The following GLRA3 variants were observed in gnomAD, a reference collection of about 807,000 sequenced individuals.
GLRA3 encodes glycine receptor alpha 3.
Under a neutral mutation model 60.4 loss-of-function variants are expected in GLRA3, and 44 were observed. That is an observed-to-expected ratio of 0.73 (90% CI 0.57 to 0.94). The LOEUF is 0.94. GLRA3 is among the 40% of genes least tolerant of loss of function. GLRA3 has a pLI of 0.00. For synonymous variants in GLRA3, 223 were observed against 192.9 expected, an observed-to-expected ratio of 1.16 and a Z score of -1.29; for missense variants, 508 against 564.6, an observed-to-expected ratio of 0.90 and a Z score of 1.02.
intron 5 of GLRA3, among the ~76,000 whole-genome samples, chr4:174,703,219 A>G (rs577258399): frequency 9.2e-5 from 14 of 152,306 alleles, no homozygotes; most frequent in Middle Eastern, 3.4e-3. Context: ...AGAGTGGAAC[A>G]TTTGTCATAC....
chr4:174,823,325 C>T (rs1253797240), intron 1 of GLRA3, among the ~76,000 whole-genome samples: 1 of 152,142 alleles, frequency 6.6e-6, no homozygotes, highest in Non-Finnish European at 1.5e-5. Flanking sequence ...GAGATAGAGA[C>T]CATCCTGGCT....
chr4:174,749,344 A>G (rs542317098), intron 3 of GLRA3, among the ~76,000 whole-genome samples: 2 of 152,232 alleles, frequency 1.3e-5, no homozygotes, highest in Non-Finnish European at 2.9e-5. Flanking sequence ...GGTTTCTGTT[A>G]CAACCACTGA....
At chr4:174,712,415 C>A (rs374271724) in intron 5 of GLRA3, 3 of 151,926 alleles carry the variant, frequency 2.0e-5, no homozygotes, top group East Asian at 1.9e-4. Flanking sequence ...TATTGTTATA[C>A]CACCCAACAT....
At chr4:174,822,314 A>T (rs1410224102) in intron 1 of GLRA3, among the ~76,000 whole-genome samples, 1 of 152,190 alleles carries the variant, frequency 6.6e-6, no homozygotes, top group Non-Finnish European at 1.5e-5. Flanking sequence ...CTCCATGGAC[A>T]TTATCATTTA....
intron 5 of GLRA3, among the ~76,000 whole-genome samples, chr4:174,714,066 C>T (rs188071822): frequency 1.0e-3 from 156 of 152,316 alleles, no homozygotes; most frequent in African/African-American, 3.5e-3. Flanking sequence ...CCTGTTTCTA[C>T]CTTCCACATA....
chr4:174,652,551 A>AATAT (rs1733059124), intron 9 of GLRA3, among the ~76,000 whole-genome samples: 1 of 150,066 alleles, frequency 6.7e-6, no homozygotes, highest in Non-Finnish European at 1.5e-5. Context: ...TTTTTACAGG[A>AATAT]GTATCTTTTT....
intron 9 of GLRA3, among the ~76,000 whole-genome samples, chr4:174,651,764 C>A (rs1733027834): frequency 6.6e-6 from 1 of 152,116 alleles, no homozygotes; most frequent in South Asian, 2.1e-4. Flanking sequence ...CATGTGACTG[C>A]TAGAATTCCT....
chr4:174,731,938 A>G (rs1736563251), intron 3 of GLRA3, among the ~76,000 whole-genome samples: 1 of 152,254 alleles, frequency 6.6e-6, no homozygotes, highest in Non-Finnish European at 1.5e-5. Context: ...GCAAATTAAG[A>G]TACTAATGAG....
intron 2 of GLRA3, 68 bp from the exon 3 acceptor site, chr4:174,767,098 G>T: frequency 2.6e-6 from 2 of 777,178 alleles, no homozygotes; most frequent in Non-Finnish European, 4.6e-6. Flanking sequence ...ATAATTCCTT[G>T]CATTCCATTA....
chr4:174,723,266 T>C (rs1680270102), intron 4 of GLRA3, among the ~76,000 whole-genome samples: 1 of 152,152 alleles, frequency 6.6e-6, no homozygotes, highest in African/African-American at 2.4e-5. Flanking sequence ...AGTACAACTG[T>C]CATCTTGAAA....
chr4:174,816,311 T>C (rs1318086603), intron 1 of GLRA3, among the ~76,000 whole-genome samples: 1 of 152,180 alleles, frequency 6.6e-6, no homozygotes, highest in Non-Finnish European at 1.5e-5. Context: ...TCACCAGGTT[T>C]ATTTACCCCA....
rs573922551 is a variant in GLRA3 at position 174,675,007 on chromosome 4, C to T, written c.927+2071G>A. On this transcript the variant is annotated intron_variant, in intron 7 of 9. Transcript: ENST00000274093. Reference sequence around the variant, plus strand: ...TTTATCCTGGGTCCTTGGGGTCTGCCCTACTAAAATTGAATGTAAGTAATT... The same window carrying T: ...TTTATCCTGGGTCCTTGGGGTCTGCTCTACTAAAATTGAATGTAAGTAATT... Among the ~76,000 whole-genome samples the T allele has an allele frequency of 5.3e-5, 8 of 152,162 alleles. No individual in the cohort carries two copies. The East Asian group carries it at 1.5e-3, about 29-fold the overall frequency.
At chr4:174,660,016 G>A (rs113113187) in intron 7 of GLRA3, among the ~76,000 whole-genome samples, 9 of 150,280 alleles carry the variant, frequency 6.0e-5, no homozygotes, top group African/African-American at 2.2e-4. Flanking sequence ...TTCTTCAGTC[G>A]TTAATATTTA....
At chr4:174,656,087 A>C (rs1360935301) in intron 9 of GLRA3, among the ~76,000 whole-genome samples, 2 of 152,180 alleles carry the variant, frequency 1.3e-5, no homozygotes, top group East Asian at 3.9e-4. Context: ...TGCATACTAT[A>C]TTATGAACCC....
intron 1 of GLRA3, among the ~76,000 whole-genome samples, chr4:174,819,493 C>T (rs1253944688): frequency 6.6e-6 from 1 of 152,146 alleles, no homozygotes; most frequent in East Asian, 1.9e-4. Context: ...AAATTCCATC[C>T]TCTTTTCTGC....
At chr4:174,798,599 A>T (rs1435595389) in intron 1 of GLRA3, among the ~76,000 whole-genome samples, 1 of 152,294 alleles carries the variant, frequency 6.6e-6, no homozygotes, top group African/African-American at 2.4e-5. Flanking sequence ...ATTAATAATT[A>T]AAAAAAGAAG....
intron 4 of GLRA3, among the ~76,000 whole-genome samples, chr4:174,725,754 T>C (rs1278589787): frequency 6.6e-6 from 1 of 152,162 alleles, no homozygotes; most frequent in Non-Finnish European, 1.5e-5. Context: ...AGTGCTGAGA[T>C]TACAGGGTGT....
chr4:174,818,030 A>G (rs1740580205), intron 1 of GLRA3, among the ~76,000 whole-genome samples: 1 of 152,084 alleles, frequency 6.6e-6, no homozygotes, highest in African/African-American at 2.4e-5. Context: ...TGGCTAGAAC[A>G]GCTCTACACT....
chr4:174,724,048 T>A (rs906560472), intron 4 of GLRA3, among the ~76,000 whole-genome samples: 5 of 149,692 alleles, frequency 3.3e-5, no homozygotes, highest in Middle Eastern at 3.6e-3. Flanking sequence ...ATATATATAT[T>A]TGTGTGTGTG....
Sources: gnomAD v4.1 joint callset for allele counts (sites outside exome capture counted in the v4.1 genomes callset) on GRCh38, gnomAD v4.1.1 for gene constraint, MANE v1.5 for transcripts, NCBI Gene and HGNC (gene_info 2026-07-23, HGNC 2026-07-21) for gene names.